The following SOS2 variants were observed in gnomAD, a reference collection of about 807,000 sequenced individuals.
The protein encoded by SOS2 is son of sevenless homolog 2.
Under a neutral mutation model 148.2 loss-of-function variants are expected in SOS2, and 65 were observed. The observed-to-expected ratio is 0.44, with a 90% CI of 0.36 to 0.54. SOS2 has a LOEUF of 0.54. SOS2 is among the 20% of genes least tolerant of loss of function. SOS2 has a pLI of 0.00. For missense variants in SOS2, 1,341 were observed against 1,590.2 expected, an observed-to-expected ratio of 0.84 and a Z score of 2.67; for synonymous variants, 539 against 537.1, an observed-to-expected ratio of 1.00 and a Z score of -0.05.
intron 8 of SOS2, among the ~76,000 whole-genome samples, chr14:50,172,445 T>G: frequency 7.6e-6 from 1 of 131,518 alleles, no homozygotes; most frequent in African/African-American, 2.9e-5. Flanking sequence ...TGAGATGGAG[T>G]CTCGCTCTGT....
At position 50,180,662 on chromosome 14, in the gene SOS2, A is replaced by G. The variant is rs1336150288; in HGVS notation, c.879T>C (p.Tyr293=). The G allele has an allele frequency of 6.3e-7, 1 of 1,588,732 alleles. No individual in the cohort carries two copies. Among genetic ancestry groups the G allele is most frequent in the Middle Eastern group, 1.7e-4 (1 of 6,022 alleles). The change falls in exon 7 of 23, where the codon TAT becomes TAC. Residue 293 remains tyrosine (Y), a synonymous_variant. Transcript: ENST00000216373. ...AAAGAATGTCCTGTGATAATGTTTC[A>G]TAAGGATCAAATGCTTGCTCCTATT... ...DLAEEQAFDP[Y]ETLSQDILSP... is the part of the protein sequence containing the mutation.
intron 16 of SOS2, among the ~76,000 whole-genome samples, chr14:50,140,582 C>T (rs533088632): frequency 6.6e-6 from 1 of 152,138 alleles, no homozygotes; most frequent in South Asian, 2.1e-4. Context: ...CACGTAAACC[C>T]CAGAGCGAAC....
intron 2 of SOS2, among the ~76,000 whole-genome samples, chr14:50,202,568 T>TA (rs1886528279): frequency 6.6e-6 from 1 of 152,038 alleles, no homozygotes. Context: ...ACCCTGTCTC[T>TA]ACAAAAAAAT....
At position 50,172,433 on chromosome 14, in the gene SOS2, TC is replaced by T. The variant is rs869193005; in HGVS notation, c.1068+2020del. Among the ~76,000 whole-genome samples, 19 of 139,632 alleles carry T rather than the reference TC, an allele frequency of 1.4e-4. 1 individual carries two copies. The highest frequency in any genetic ancestry group is 4.4e-4 in the South Asian group (2 of 4,552). The allele number at this position is 139,632 out of a possible 152,430, so 91.6% of individuals were successfully genotyped here. A position where few individuals can be genotyped will look rare whatever the true frequency, so the allele number is the denominator to read the frequency against. On this transcript the variant is annotated intron_variant, in intron 8 of 22. Transcript: ENST00000216373. ...TTTATTCATTCCTTTTTTTTTTTTT[TC>T]TGAGATGGAGTCTCGCTCTGTTGTC... is the stretch of plus-strand genomic sequence containing the variant.
At chr14:50,199,630 T>C (rs765881158) in intron 4 of SOS2, 61 bp downstream of exon 4, 12 of 985,918 alleles carry the variant, frequency 1.2e-5, no homozygotes, top group East Asian at 2.7e-5. Flanking sequence ...CACAAAAAGA[T>C]TGAGGCAGAA....
intron 1 of SOS2, among the ~76,000 whole-genome samples, chr14:50,214,308 A>G (rs930255159): frequency 6.6e-6 from 1 of 150,626 alleles, no homozygotes; most frequent in African/African-American, 2.5e-5. Context: ...ATATAGGACC[A>G]ATAATAAAAA....
chr14:50,192,134 T>C (rs1326196041), intron 4 of SOS2, among the ~76,000 whole-genome samples: 3 of 117,118 alleles, frequency 2.6e-5, no homozygotes, highest in Non-Finnish European at 4.9e-5. Flanking sequence ...CTTAGGTGAG[T>C]CCTTGTCACA....
At chr14:50,122,915 C>G (rs751283851) in intron 21 of SOS2, among the ~76,000 whole-genome samples, 1 of 152,176 alleles carries the variant, frequency 6.6e-6, no homozygotes. Flanking sequence ...TGGGCACCTG[C>G]TAATACTGTC....
intron 6 of SOS2, among the ~76,000 whole-genome samples, chr14:50,181,024 GAAGA>G (rs1474950514): frequency 6.6e-6 from 1 of 152,160 alleles, no homozygotes; most frequent in East Asian, 1.9e-4. Flanking sequence ...GGGAAAGGGT[GAAGA>G]AAGAAGGAAG....
intron 4 of SOS2, among the ~76,000 whole-genome samples, chr14:50,198,613 T>C (rs1183709791): frequency 6.6e-6 from 1 of 152,172 alleles, no homozygotes; most frequent in Non-Finnish European, 1.5e-5. Flanking sequence ...AATTCTGATG[T>C]GCAGTCAAGG....
At chr14:50,189,095 A>ACACACG (rs1366928517) in intron 4 of SOS2, among the ~76,000 whole-genome samples, 1 of 150,520 alleles carries the variant, frequency 6.6e-6, no homozygotes, top group Non-Finnish European at 1.5e-5. Context: ...ACACACACAC[A>ACACACG]CACACACGCA....
At chr14:50,219,633 T>C (rs988457896) in intron 1 of SOS2, among the ~76,000 whole-genome samples, 1 of 152,160 alleles carries the variant, frequency 6.6e-6, no homozygotes, top group African/African-American at 2.4e-5. Context: ...ATATAACTTA[T>C]CACATTGTTG....
chr14:50,219,765 A>C (rs1887145629), intron 1 of SOS2, among the ~76,000 whole-genome samples: 1 of 152,236 alleles, frequency 6.6e-6, no homozygotes, highest in Non-Finnish European at 1.5e-5. Context: ...ACATTTTTCT[A>C]ATCAAAGTGT....
At chr14:50,194,852 G>A (rs1427783156) in intron 4 of SOS2, among the ~76,000 whole-genome samples, 5 of 150,984 alleles carry the variant, frequency 3.3e-5, no homozygotes, top group Non-Finnish European at 7.4e-5. Flanking sequence ...GTGCAGTGGC[G>A]TGATCTCGGC....
At chr14:50,145,900 C>T (rs560621187) in intron 14 of SOS2, among the ~76,000 whole-genome samples, 2 of 151,392 alleles carry the variant, frequency 1.3e-5, no homozygotes, top group Admixed American at 6.6e-5. Context: ...TTTGGGAGGC[C>T]GAGGCAGATG....
intron 13 of SOS2, among the ~76,000 whole-genome samples, chr14:50,151,880 T>C (rs1455600768): frequency 6.6e-6 from 1 of 152,058 alleles, no homozygotes; most frequent in Admixed American, 6.6e-5. Context: ...CATGCCACCA[T>C]GCTTGGCTAA....
At chr14:50,176,602 T>C (rs943616474) in intron 7 of SOS2, among the ~76,000 whole-genome samples, 2 of 152,266 alleles carry the variant, frequency 1.3e-5, no homozygotes, top group African/African-American at 2.4e-5. Context: ...GCTTTATATA[T>C]ACATTACCAT....
intron 1 of SOS2, among the ~76,000 whole-genome samples, chr14:50,219,748 T>G (rs1201647510): frequency 6.6e-6 from 1 of 152,182 alleles, no homozygotes; most frequent in African/African-American, 2.4e-5. Flanking sequence ...TATAATATTC[T>G]AAGGCAACAT....
chr14:50,183,198 T>G (rs1219167950), intron 5 of SOS2, among the ~76,000 whole-genome samples: 1 of 152,178 alleles, frequency 6.6e-6, no homozygotes, highest in African/African-American at 2.4e-5. Flanking sequence ...ATGCCCCCCT[T>G]ACACCCATGA....
Sources: gnomAD v4.1 joint callset for allele counts (sites outside exome capture counted in the v4.1 genomes callset) on GRCh38, gnomAD v4.1.1 for gene constraint, MANE v1.5 for transcripts, NCBI Gene and HGNC (gene_info 2026-07-23, HGNC 2026-07-21) for gene names.